RPS6KC1: variants seen among roughly 807,000 people sequenced by gnomAD.
RPS6KC1 encodes ribosomal protein S6 kinase C1.
In RPS6KC1, 54 loss-of-function variants were observed where a neutral mutation model predicts 103.8. The observed-to-expected ratio is 0.52, with a 90% CI of 0.42 to 0.65. The LOEUF is 0.65. Among genes scored for constraint, RPS6KC1 ranks in the 30% least tolerant of loss-of-function variants. The pLI is 0.00. For missense variants in RPS6KC1, 1,151 were observed against 1,253.8 expected (o/e 0.92, Z 1.24); for synonymous variants, 439 against 438.7 (o/e 1.00, Z -0.01).
At chr1:213,152,572 C>G (rs1007760243) in intron 6 of RPS6KC1, among the ~76,000 whole-genome samples, 1 of 147,736 alleles carries the variant, frequency 6.8e-6, no homozygotes, top group East Asian at 2.1e-4. Context: ...GGGTTGCCGC[C>G]GGGCAGAGGT....
chr1:213,313,815 T>G, the RPS6KC1 span, among the ~76,000 whole-genome samples: 1 of 152,104 alleles, frequency 6.6e-6, no homozygotes, highest in East Asian at 1.9e-4. Flanking sequence ...TAGCCGGGTG[T>G]GGTGGCGGGC....
intron 3 of RPS6KC1, 136 bp downstream of exon 3, chr1:213,077,952 A>G: frequency 2.3e-6 from 1 of 435,084 alleles, no homozygotes; most frequent in Non-Finnish European, 4.0e-6. Context: ...ACAGCACTTG[A>G]AATTGTCTTT....
intron 3 of RPS6KC1, among the ~76,000 whole-genome samples, chr1:213,096,308 A>G (rs1425007448): frequency 6.6e-6 from 1 of 152,100 alleles, no homozygotes; most frequent in Non-Finnish European, 1.5e-5. Flanking sequence ...TTCTCTTGCT[A>G]TTTCTACCAC....
chr1:213,343,389 G>GTATATA, the RPS6KC1 span, among the ~76,000 whole-genome samples: 18 of 65,862 alleles, frequency 2.7e-4, 1 homozygote, highest in African/African-American at 1.2e-3. Context: ...TCAGTGTTGT[G>GTATATA]TGTATATATA....
intron 4 of RPS6KC1, among the ~76,000 whole-genome samples, chr1:213,113,841 C>G (rs1271521927): frequency 6.6e-6 from 1 of 152,010 alleles, no homozygotes; most frequent in African/African-American, 2.4e-5. Context: ...GCTTGTTTTT[C>G]TCAGGTTTGT....
chr1:213,284,928 C>T, the RPS6KC1 span, among the ~76,000 whole-genome samples: 1 of 152,146 alleles, frequency 6.6e-6, no homozygotes, highest in Non-Finnish European at 1.5e-5. Flanking sequence ...TTAAAATACT[C>T]AGTGAAAGAA....
chr1:213,375,188 T>C, the RPS6KC1 span, among the ~76,000 whole-genome samples: 2 of 151,586 alleles, frequency 1.3e-5, no homozygotes, highest in Non-Finnish European at 2.9e-5. Flanking sequence ...TACACACATG[T>C]ACATACACAT....
chr1:213,566,138 T>C, the RPS6KC1 span, among the ~76,000 whole-genome samples: 26 of 151,976 alleles, frequency 1.7e-4, no homozygotes, highest in Non-Finnish European at 1.8e-4. Flanking sequence ...TGAAATGGAG[T>C]AAAATATTAT....
the RPS6KC1 span, among the ~76,000 whole-genome samples, chr1:213,286,332 AC>A: frequency 6.6e-6 from 1 of 152,202 alleles, no homozygotes; most frequent in Non-Finnish European, 1.5e-5. Flanking sequence ...TGGAGCAATA[AC>A]TGTGGTGCAG....
chr1:213,508,827 A>C, the RPS6KC1 span, among the ~76,000 whole-genome samples: 3 of 152,218 alleles, frequency 2.0e-5, no homozygotes, highest in Non-Finnish European at 4.4e-5. Context: ...GCTAATCTGC[A>C]AATGGTATCT....
intron 8 of RPS6KC1, among the ~76,000 whole-genome samples, chr1:213,207,979 A>G (rs1324258701): frequency 6.6e-6 from 1 of 152,044 alleles, no homozygotes; most frequent in African/African-American, 2.4e-5. Flanking sequence ...GGTCTTGAAT[A>G]CCTTTTCTTC....
rs1573694897 is a variant in RPS6KC1, at chr1:213,263,243, T to C, written c.3090+427T>C. 2.0e-5 allele frequency among the ~76,000 whole-genome samples: 3 copies of C among 152,322 alleles called. No homozygotes were observed. The East Asian group carries it at 5.8e-4, about 29-fold the overall frequency. ...ACTCAGGTTGCTTAGGAGAGACATA[T>C]TAGAAAATCTTGTCAAGTTAGATAC... is the stretch of plus-strand genomic sequence containing the variant. On this transcript the variant is annotated intron_variant, in intron 14 of 14. Transcript: ENST00000366960.
chr1:213,216,653 G>A lies in RPS6KC1; in HGVS notation c.1045-13844G>A, dbSNP rs556648665. The stretch of plus-strand genomic sequence containing the variant: ...TCTCCTCAGCAAATGTAAAAGAACA[G>A]AAATTATAACAAACTGTCTCTCAGA... On this transcript the variant is annotated intron_variant, in intron 8 of 14. Transcript: ENST00000366960. Among the ~76,000 whole-genome samples, 19 of 152,238 alleles carry A rather than the reference G, an allele frequency of 1.2e-4. No homozygotes were observed. In the East Asian group the frequency reaches 3.7e-3, roughly 29 times the overall value.
intron 4 of RPS6KC1, among the ~76,000 whole-genome samples, chr1:213,107,184 C>T (rs910759107): frequency 5.3e-5 from 8 of 152,080 alleles, no homozygotes; most frequent in African/African-American, 7.2e-5. Flanking sequence ...TCAAGTGATC[C>T]GCCTGCTTCA....
At chr1:213,277,505 A>G (rs574349220), downstream of RPS6KC1, among the ~76,000 whole-genome samples, 16 of 152,352 alleles carry the variant, frequency 1.1e-4, no homozygotes, top group East Asian at 3.1e-3. Context: ...TGGCCCAGGT[A>G]CCTGGAGCAA....
chr1:213,769,734 A>G, the RPS6KC1 span, among the ~76,000 whole-genome samples: 1 of 152,180 alleles, frequency 6.6e-6, no homozygotes, highest in Admixed American at 6.5e-5. Flanking sequence ...GAAAAAGAAA[A>G]TGACAGGCAC....
At chr1:213,359,107 T>A in the RPS6KC1 span, among the ~76,000 whole-genome samples, 8 of 152,320 alleles carry the variant, frequency 5.3e-5, no homozygotes, top group Non-Finnish European at 1.2e-4. Flanking sequence ...TTCCTGGGTA[T>A]CGTTGTGAAC....
the RPS6KC1 span, among the ~76,000 whole-genome samples, chr1:213,483,539 T>G: frequency 6.6e-6 from 1 of 152,180 alleles, no homozygotes; most frequent in Non-Finnish European, 1.5e-5. Context: ...TATATTTAAC[T>G]TTGTAAGACA....
At chr1:213,798,771 A>G in the RPS6KC1 span, among the ~76,000 whole-genome samples, 18 of 152,222 alleles carry the variant, frequency 1.2e-4, no homozygotes, top group Non-Finnish European at 1.9e-4. Flanking sequence ...TTTTGGGTGA[A>G]GCGTGCCTCA....
Sources: allele counts gnomAD v4.1 joint callset (sites outside exome capture counted in the v4.1 genomes callset), GRCh38; gene constraint gnomAD v4.1.1; transcripts MANE v1.5; gene names NCBI Gene and HGNC (gene_info 2026-07-23, HGNC 2026-07-21).